BBOX1: variants seen among roughly 807,000 people sequenced by gnomAD.
BBOX1 encodes gamma-butyrobetaine hydroxylase 1.
BBOX1 carries 35 observed loss-of-function variants against 41.6 expected under a neutral mutation model. The ratio of observed to expected loss-of-function variants is 0.84; its 90% CI spans 0.64 to 1.11. BBOX1 has a LOEUF of 1.11. Ranked by LOEUF, BBOX1 falls within the 50% of genes most tolerant of loss-of-function variation. The pLI is 0.00. For synonymous variants in BBOX1, 163 were observed against 154.7 expected (o/e 1.05, Z -0.40); for missense variants, 458 against 460.6 (o/e 0.99, Z 0.05).
At chr11:27,109,560 GA>G (rs201153377) in intron 5 of BBOX1, among the ~76,000 whole-genome samples, 1 of 151,774 alleles carries the variant, frequency 6.6e-6, no homozygotes, top group African/African-American at 2.4e-5. Flanking sequence ...AAAACTGACA[GA>G]AAAAAGAAAC....
At chr11:27,092,938 A>G (rs1391399549) in intron 4 of BBOX1, among the ~76,000 whole-genome samples, 1 of 151,942 alleles carries the variant, frequency 6.6e-6, no homozygotes, top group East Asian at 1.9e-4. Flanking sequence ...GGGCATATTG[A>G]ATACCTGCTA....
At chr11:27,113,889 G>A (rs528774496) in intron 5 of BBOX1, among the ~76,000 whole-genome samples, 7 of 150,604 alleles carry the variant, frequency 4.6e-5, no homozygotes, top group South Asian at 2.1e-4. Context: ...ATTCAACATC[G>A]CACCAATATT....
intron 5 of BBOX1, among the ~76,000 whole-genome samples, chr11:27,106,894 G>A (rs1347150216): frequency 1.3e-5 from 2 of 152,086 alleles, no homozygotes; most frequent in Non-Finnish European, 2.9e-5. Flanking sequence ...CTGTCTCTCA[G>A]ACCACAGTAC....
chr11:27,088,467 T>G (rs1858123332), intron 4 of BBOX1, among the ~76,000 whole-genome samples: 1 of 152,076 alleles, frequency 6.6e-6, no homozygotes, highest in Non-Finnish European at 1.5e-5. Flanking sequence ...TTCAGTGTTG[T>G]GCAATGAAAC....
Position 27,125,722 on chromosome 11 carries a change from T to C in BBOX1, c.905T>C (p.Val302Ala). 1.2e-6 allele frequency: 2 copies of C among 1,612,702 alleles called. No individual in the cohort carries two copies. The highest frequency in any genetic ancestry group is 1.7e-6 in the Non-Finnish European group (2 of 1,179,190). Reference protein sequence around the residue: ...NNATRDTIFDVPVERVQPFYA... With the variant: ...NNATRDTIFDAPVERVQPFYA... Reference sequence around the variant, plus strand: ...GCAACTAGGGACACAATATTTGATGTGCCTGTTGAAAGAGTTCAGCCTTTT... The same window carrying C: ...GCAACTAGGGACACAATATTTGATGCGCCTGTTGAAAGAGTTCAGCCTTTT... The change falls in exon 8 of 9, where the codon GTG (valine) becomes GCG (alanine). Residue 302 changes from valine to alanine, a missense_variant. Transcript: ENST00000263182.
At chr11:27,049,070 C>T (rs1456967076) in intron 2 of BBOX1, among the ~76,000 whole-genome samples, 1 of 151,846 alleles carries the variant, frequency 6.6e-6, no homozygotes, top group African/African-American at 2.4e-5. Context: ...CTACAAAAGA[C>T]ATGAACTCAT....
chr11:27,065,491 A>G (rs1392316817), intron 4 of BBOX1, among the ~76,000 whole-genome samples: 1 of 152,154 alleles, frequency 6.6e-6, no homozygotes, highest in Non-Finnish European at 1.5e-5. Context: ...CCTTGTTCTG[A>G]CTGTAAACCT....
chr11:27,043,091 T>A (rs937806652), intron 2 of BBOX1, among the ~76,000 whole-genome samples: 1 of 151,804 alleles, frequency 6.6e-6, no homozygotes, highest in South Asian at 2.1e-4. Context: ...TGAGACGGAG[T>A]CTCACTCTGT....
chr11:27,064,131 G>A (rs770007193), intron 4 of BBOX1, among the ~76,000 whole-genome samples: 4 of 152,104 alleles, frequency 2.6e-5, no homozygotes, highest in Non-Finnish European at 5.9e-5. Flanking sequence ...ATGCAAATCA[G>A]GGATGGGGTA....
chr11:27,099,207 C>A (rs2134057131), intron 5 of BBOX1, among the ~76,000 whole-genome samples: 1 of 151,940 alleles, frequency 6.6e-6, no homozygotes, highest in South Asian at 2.1e-4. Context: ...AAACTTCTAA[C>A]CTTAGCTAGC....
intron 5 of BBOX1, among the ~76,000 whole-genome samples, chr11:27,106,210 CATA>C (rs1858859151): frequency 6.6e-6 from 1 of 151,914 alleles, no homozygotes; most frequent in South Asian, 2.1e-4. Context: ...CAGCTAACAT[CATA>C]ATGACAGGAT....
intron 4 of BBOX1, among the ~76,000 whole-genome samples, chr11:27,071,705 CA>C (rs1857457023): frequency 1.3e-5 from 2 of 152,246 alleles, no homozygotes; most frequent in Admixed American, 1.3e-4. Flanking sequence ...AGCAGCACAT[CA>C]AAAAGCTTAT....
intron 4 of BBOX1, among the ~76,000 whole-genome samples, chr11:27,061,499 G>A (rs1253503475): frequency 1.3e-5 from 2 of 152,200 alleles, no homozygotes; most frequent in Non-Finnish European, 2.9e-5. Context: ...CTTTTTGCCT[G>A]TAGAATTTGA....
chr11:27,057,063 T>TAAAAAAAAAAAAAAAAAAA (rs1459422645), intron 3 of BBOX1, 138 bp from the exon 4 acceptor site: 2,637 of 148,374 alleles, frequency 0.018, 892 homozygotes, highest in East Asian at 0.04. Flanking sequence ...AGACTCCGAC[T>TAAAAAAAAAAAAAAAAAAA]TAAAAAAAAA....
At chr11:27,110,194 G>A (rs1859007498) in intron 5 of BBOX1, among the ~76,000 whole-genome samples, 1 of 151,818 alleles carries the variant, frequency 6.6e-6, no homozygotes, top group Non-Finnish European at 1.5e-5. Context: ...GAACCATCAT[G>A]ATTCTCATGT....
At chr11:27,089,046 C>T (rs888617569) in intron 4 of BBOX1, among the ~76,000 whole-genome samples, 2 of 151,830 alleles carry the variant, frequency 1.3e-5, no homozygotes, top group Non-Finnish European at 2.9e-5. Flanking sequence ...AAGAGTGAGA[C>T]ACAGAGAAGA....
chr11:27,057,712 C>T (rs544826483), intron 4 of BBOX1, among the ~76,000 whole-genome samples: 2 of 152,168 alleles, frequency 1.3e-5, no homozygotes, highest in African/African-American at 4.8e-5. Flanking sequence ...AATTCCTAAC[C>T]TGGTATTCAT....
chr11:27,058,495 G>C (rs1857050577), intron 4 of BBOX1, among the ~76,000 whole-genome samples: 2 of 152,194 alleles, frequency 1.3e-5, no homozygotes, highest in South Asian at 4.1e-4. Context: ...AGTTTGGAGA[G>C]CTCAGAAGAA....
intron 7 of BBOX1, among the ~76,000 whole-genome samples, chr11:27,124,039 G>A (rs933235528): frequency 3.2e-4 from 49 of 152,220 alleles, no homozygotes; most frequent in African/African-American, 2.4e-5. Context: ...TACAATTGCC[G>A]TTTGGCTCAG....
Sources: allele counts gnomAD v4.1 joint callset (sites outside exome capture counted in the v4.1 genomes callset), GRCh38; gene constraint gnomAD v4.1.1; transcripts MANE v1.5; gene names NCBI Gene and HGNC (gene_info 2026-07-23, HGNC 2026-07-21).